GOLGA1: variants seen among roughly 807,000 people sequenced by gnomAD.
GOLGA1 encodes the protein golgin subfamily A member 1.
GOLGA1 carries 63 observed loss-of-function variants against 119.7 expected under a neutral mutation model. That is an observed-to-expected ratio of 0.53 (90% CI 0.43 to 0.65). The LOEUF (loss-of-function observed/expected upper bound fraction) is 0.65, where lower values mean the gene tolerates loss of function less well. GOLGA1 is among the 30% of genes least tolerant of loss of function. GOLGA1 has a pLI of 0.00. For synonymous variants in GOLGA1, 318 were observed against 333.4 expected, an observed-to-expected ratio of 0.95 and a Z score of 0.50; for missense variants, 798 against 912.8, an observed-to-expected ratio of 0.87 and a Z score of 1.62.
chr9:124,947,797 C>T (rs1831171647), intron 1 of GOLGA1: 1 of 152,156 alleles, frequency 6.6e-6, no homozygotes, highest in Non-Finnish European at 1.5e-5. Flanking sequence ...CACACAGGAA[C>T]ATATACACCC....
At chr9:124,892,988 A>G (rs1829892793) in intron 15 of GOLGA1, among the ~76,000 whole-genome samples, 1 of 151,862 alleles carries the variant, frequency 6.6e-6, no homozygotes, top group Non-Finnish European at 1.5e-5. Context: ...AGAGTTTTCT[A>G]TATGTTTACA....
intron 12 of GOLGA1, among the ~76,000 whole-genome samples, chr9:124,906,063 A>T (rs1830223098): frequency 6.6e-6 from 1 of 151,856 alleles, no homozygotes; most frequent in South Asian, 2.1e-4. Context: ...CAGGGAGCCG[A>T]GATGGCACTA....
intron 15 of GOLGA1, among the ~76,000 whole-genome samples, chr9:124,896,967 C>CT (rs1475983288): frequency 6.6e-6 from 1 of 152,040 alleles, no homozygotes; most frequent in African/African-American, 2.4e-5. Flanking sequence ...TCCCATGATT[C>CT]TTTTTAATGC....
At chr9:124,941,775 G>T (rs1035196039), upstream of GOLGA1, among the ~76,000 whole-genome samples, 2 of 152,166 alleles carry the variant, frequency 1.3e-5, no homozygotes, top group Non-Finnish European at 1.5e-5. Flanking sequence ...TCTCCTTTCT[G>T]CTTAGGAAGG....
At chr9:124,887,099 C>T (rs746027107) in intron 19 of GOLGA1, among the ~76,000 whole-genome samples, 9 of 152,092 alleles carry the variant, frequency 5.9e-5, no homozygotes, top group South Asian at 2.1e-4. Flanking sequence ...GCCAGAGGAC[C>T]GCAGGTGTCG....
At chr9:124,926,935 A>G (rs1161945315) in intron 6 of GOLGA1, among the ~76,000 whole-genome samples, 194 bp from the exon 7 acceptor site, 1 of 152,192 alleles carries the variant, frequency 6.6e-6, no homozygotes, top group Non-Finnish European at 1.5e-5. Context: ...GAAGAAAATG[A>G]ACTTTATCTA....
chr9:124,935,896 G>A (rs774033608), intron 3 of GOLGA1, among the ~76,000 whole-genome samples: 1 of 152,018 alleles, frequency 6.6e-6, no homozygotes, highest in Non-Finnish European at 1.5e-5. Flanking sequence ...AGATGAAGGT[G>A]CACATTTGGA....
chr9:124,899,499 G>A (rs1008090013), intron 13 of GOLGA1, 21 bp from the exon 14 acceptor site: 33 of 1,539,444 alleles, frequency 2.1e-5, no homozygotes, highest in Middle Eastern at 1.7e-4. Flanking sequence ...ACCAAAGGAC[G>A]GTCAGTCAGG....
chr9:124,934,059 G>C (rs1475812973), intron 3 of GOLGA1, among the ~76,000 whole-genome samples: 1 of 152,014 alleles, frequency 6.6e-6, no homozygotes, highest in African/African-American at 2.4e-5. Flanking sequence ...ATGATCTTGG[G>C]GATCCTTGAC....
At chr9:124,892,795 G>T (rs1213311393) in intron 15 of GOLGA1, among the ~76,000 whole-genome samples, 1 of 151,994 alleles carries the variant, frequency 6.6e-6, no homozygotes, top group Non-Finnish European at 1.5e-5. Flanking sequence ...AGCCTAGTGT[G>T]GTGGTGCATG....
intron 12 of GOLGA1, among the ~76,000 whole-genome samples, chr9:124,903,908 G>A (rs1221135115): frequency 6.6e-6 from 1 of 151,858 alleles, no homozygotes; most frequent in Non-Finnish European, 1.5e-5. Flanking sequence ...AATTAGCCAG[G>A]CGTGGTGGAG....
chr9:124,935,781 A>G (rs1051039123), intron 3 of GOLGA1, among the ~76,000 whole-genome samples: 19 of 143,584 alleles, frequency 1.3e-4, no homozygotes, highest in African/African-American at 4.7e-4. Flanking sequence ...AAAAAAAAAA[A>G]GAAAGAAATA....
In GOLGA1 at chr9:124,906,644, C is replaced by T. The variant is rs141411119; in HGVS notation, c.1065+1733G>A. Among the ~76,000 whole-genome samples the T allele has an allele frequency of 2.3e-3, 348 of 151,150 alleles. 1 individual carries two copies. The highest frequency in any genetic ancestry group is 3.8e-3 in the Non-Finnish European group (258 of 67,814). On this transcript the variant is annotated intron_variant, in intron 12 of 22. Coordinates refer to ENST00000373555, the MANE Select transcript of GOLGA1 (RefSeq NM_002077.4). The stretch of plus-strand genomic sequence containing the variant: ...CTGGACACCTGTAATCCCAGCTACT[C>T]GGCAGGCTGAAGCAGGAGAATCGCT...
In GOLGA1 at chr9:124,900,451, C is replaced by G. The variant is rs147995030; in HGVS notation, c.1161+1G>C. 4.4e-5 allele frequency: 64 copies of G among 1,458,750 alleles called. No homozygotes were observed. Among genetic ancestry groups the G allele is most frequent in the Non-Finnish European group, 5.9e-5 (61 of 1,038,286 alleles). The allele number at this position is 1,458,750 out of a possible 1,614,324, so 90.4% of individuals were successfully genotyped here. ...ATGCAGCAGCTCCAATAAGCACTTACGAGCTCCTGTATCTGAGTTTCCTGG... is the reference window on the plus strand; with the variant it reads ...ATGCAGCAGCTCCAATAAGCACTTAGGAGCTCCTGTATCTGAGTTTCCTGG... On this transcript the variant is annotated splice_donor_variant, in intron 13 of 22. Transcript: ENST00000373555. LOFTEE classifies it high-confidence loss of function.
intron 7 of GOLGA1, among the ~76,000 whole-genome samples, chr9:124,926,084 A>C (rs1026434860): frequency 6.6e-6 from 1 of 152,202 alleles, no homozygotes; most frequent in Non-Finnish European, 1.5e-5. Context: ...GCAGCAGGAA[A>C]GAGACGGCCA....
intron 3 of GOLGA1, 144 bp downstream of exon 3, chr9:124,938,433 G>T (rs1370257512): frequency 1.5e-6 from 1 of 688,934 alleles, no homozygotes; most frequent in African/African-American, 1.8e-5. Context: ...TAACAAAAAG[G>T]TACCTCAGAG....
rs200834749 is a variant in GOLGA1, at chr9:124,885,408, CGAG to C, written c.1905+2842_1906-2840del. ...GTTGAGGCAACAGAATCGCTTGCAC[CGAG>C]GAGGCAGAGGTCGCAGTGAGCCAAG... On this transcript the variant is annotated intron_variant, in intron 19 of 22. Coordinates refer to ENST00000373555, the MANE Select transcript of GOLGA1 (RefSeq NM_002077.4). Among the ~76,000 whole-genome samples, 973 of 150,322 alleles carry C rather than the reference CGAG, an allele frequency of 6.5e-3. 11 individuals are homozygous for C. Among genetic ancestry groups the C allele is most frequent in the African/African-American group, 0.023 (930 of 40,832 alleles).
At chr9:124,884,797 T>C in intron 19 of GOLGA1, among the ~76,000 whole-genome samples, 1 of 152,156 alleles carries the variant, frequency 6.6e-6, no homozygotes, top group East Asian at 1.9e-4. Context: ...GTTTCCTGGA[T>C]TTTCCTCACT....
Position 124,931,362 on chromosome 9 carries a change from A to G in GOLGA1, c.180T>C (p.Leu60=). 6.2e-7 allele frequency: 1 copy of G among 1,600,296 alleles called. No homozygotes were observed. Among genetic ancestry groups the G allele is most frequent in the Non-Finnish European group, 8.6e-7 (1 of 1,167,532 alleles). ...SSSREDLSSQ[L]LRRNEQIRKL... is the part of the protein sequence containing the mutation. ...TCCGTATCTGTTCATTCCTTCTCAG[A>G]AGCTGGGATGAAAGATCTTCTCTGG... is the stretch of plus-strand genomic sequence containing the variant. Residue 60 remains leucine, a synonymous_variant, in exon 4 of 23, where the codon CTT becomes CTC. Transcript: ENST00000373555.
Sources: gnomAD v4.1 joint callset for allele counts (sites outside exome capture counted in the v4.1 genomes callset) on GRCh38, gnomAD v4.1.1 for gene constraint, MANE v1.5 for transcripts, NCBI Gene and HGNC (gene_info 2026-07-23, HGNC 2026-07-21) for gene names.